The following FAM118B variants were observed in gnomAD, a reference collection of about 807,000 sequenced individuals.
FAM118B encodes protein FAM118B.
FAM118B carries 24 observed loss-of-function variants against 38.5 expected under a neutral mutation model. That is an observed-to-expected ratio of 0.62 (90% CI 0.45 to 0.88). The LOEUF (loss-of-function observed/expected upper bound fraction) is 0.88, where lower values mean the gene tolerates loss of function less well. FAM118B is among the 40% of genes least tolerant of loss of function. The pLI is 0.00. For synonymous variants in FAM118B, 138 were observed against 156.3 expected, an observed-to-expected ratio of 0.88 and a Z score of 0.87; for missense variants, 334 against 420.0, an observed-to-expected ratio of 0.80 and a Z score of 1.79.
rs1950523119 is a variant in FAM118B at position 126,252,822 on chromosome 11, G to A, written c.568-1483G>A. Among the ~76,000 whole-genome samples the A allele has an allele frequency of 6.6e-6, 1 of 152,132 alleles. No homozygotes were observed. The highest frequency in any genetic ancestry group is 2.4e-5 in the African/African-American group (1 of 41,432). On this transcript the variant is annotated intron_variant, in intron 5 of 8. Transcript: ENST00000533050. The surrounding 1 kb of genome is among the most constrained non-coding windows in gnomAD (Gnocchi z 4.7). ...GGCCGAGGTGGGTGGATCACTTGAG[G>A]TCAGGATTTTGAGACCAGCCTGTCC... is the stretch of plus-strand genomic sequence containing the variant.
rs1950718265 is a variant in FAM118B at position 126,262,343 on chromosome 11, G to C, written c.*210G>C. On this transcript the variant is annotated 3_prime_UTR_variant, in exon 9 of 9. Transcript: ENST00000533050. The stretch of plus-strand genomic sequence containing the variant: ...TATTCTGCCGCCTGTTCAAGTTCAA[G>C]AATAAAAGCGACAGCAGGACCCAAA... The C allele has an allele frequency of 7.1e-5, 28 of 394,024 alleles. No homozygotes were observed. The highest frequency in any genetic ancestry group is 2.1e-4 in the East Asian group (4 of 19,346). 24.4% of individuals were successfully genotyped at this position (394,024 alleles called of 1,614,324 possible).
intron 8 of FAM118B, 109 bp downstream of exon 8, chr11:126,261,593 T>A: frequency 1.3e-6 from 1 of 796,572 alleles, no homozygotes. Flanking sequence ...TGCCAAATTT[T>A]AAAAAACACT....
rs1424532856 is a variant in FAM118B, at chr11:126,256,526, G to A, written c.697-41G>A. 2 of 1,589,896 alleles carry A rather than the reference G, an allele frequency of 1.3e-6. No individual in the cohort carries two copies. Among genetic ancestry groups the A allele is most frequent in the Non-Finnish European group, 1.7e-6 (2 of 1,164,156 alleles). Reference sequence around the variant, plus strand: ...TTCTTGTTTCAGACTTGCCTTGAGTGTGTCTTCACAATGTCAATATGTTGT... The same window carrying A: ...TTCTTGTTTCAGACTTGCCTTGAGTATGTCTTCACAATGTCAATATGTTGT... On this transcript the variant is annotated intron_variant, in intron 6 of 8. Transcript: ENST00000533050. This position sits in a 1 kb window ranked among gnomAD's most constrained non-coding sequence, Gnocchi z 6.6.
chr11:126,254,224 A>G, intron 5 of FAM118B, 81 bp from the exon 6 acceptor site: 1 of 1,520,292 alleles, frequency 6.6e-7, no homozygotes, highest in Non-Finnish European at 8.9e-7. Context: ...TCTAGTCCTC[A>G]AAACAGCCTC....
At chr11:126,233,344 G>A (rs4347404) in intron 2 of FAM118B, among the ~76,000 whole-genome samples, 28,263 of 152,004 alleles carry the variant, frequency 0.19, 2,950 homozygotes, top group Non-Finnish European at 0.25. Flanking sequence ...GCATAGTGGC[G>A]CATGCCTGTA....
chr11:126,243,627 G>C (rs994508383), intron 4 of FAM118B, among the ~76,000 whole-genome samples: 40 of 152,224 alleles, frequency 2.6e-4, no homozygotes, highest in African/African-American at 7.9e-4. Flanking sequence ...TATCAGGCCA[G>C]GTGCGGTGGC....
intron 3 of FAM118B, among the ~76,000 whole-genome samples, chr11:126,238,139 A>G (rs1000483971): frequency 2.6e-5 from 4 of 152,138 alleles, no homozygotes; most frequent in Non-Finnish European, 5.9e-5. Context: ...AGGCAGGCGG[A>G]TCACTTGAGG....
In FAM118B at chr11:126,214,503, G is replaced by GTTTTTTTTTTTTTTTTTTTTTTTTTTTT. The variant is rs769565375; in HGVS notation, c.-77+2683_-77+2684insTTTTTTTTTTTTTTTTTTTTTTTTTTTT. 2.1e-3 allele frequency: 59 copies of GTTTTTTTTTTTTTTTTTTTTTTTTTTTT among 28,264 alleles called. 11 individuals are homozygous for GTTTTTTTTTTTTTTTTTTTTTTTTTTTT. Among genetic ancestry groups the GTTTTTTTTTTTTTTTTTTTTTTTTTTTT allele is most frequent in the Non-Finnish European group, 3.3e-3 (44 of 13,356 alleles). The allele number at this position is 28,264 out of a possible 1,614,324, so 1.8% of individuals were successfully genotyped here. ...TCTTTTGTTTCTGTTTTTTTTTTTT[G>GTTTTTTTTTTTTTTTTTTTTTTTTTTTT]TTTTTTTTTTGTTTTTTTTTTTTTA... On this transcript the variant is annotated intron_variant, in intron 1 of 8. Coordinates refer to ENST00000533050, the MANE Select transcript of FAM118B (RefSeq NM_024556.4).
rs1184531411 is a variant in FAM118B at position 126,237,891 on chromosome 11, G to C, written c.86+2804G>C. On this transcript the variant is annotated intron_variant, in intron 3 of 8. Coordinates refer to ENST00000533050, the MANE Select transcript of FAM118B (RefSeq NM_024556.4). Reference sequence around the variant, plus strand: ...AAAAAAAAGAAAAGAAAAAATATATGTGAGGATATCATTGTTTTCTTTTAA... The same window carrying C: ...AAAAAAAAGAAAAGAAAAAATATATCTGAGGATATCATTGTTTTCTTTTAA... 2.0e-5 allele frequency among the ~76,000 whole-genome samples: 3 copies of C among 148,848 alleles called. 1 individual carries two copies. The highest frequency in any genetic ancestry group is 4.5e-5 in the Non-Finnish European group (3 of 67,354).
chr11:126,225,290 G>C (rs777301148), intron 1 of FAM118B, among the ~76,000 whole-genome samples: 9 of 152,172 alleles, frequency 5.9e-5, no homozygotes, highest in Non-Finnish European at 1.0e-4. Context: ...TTGACGCAGT[G>C]AAATTTTCCA....
intron 1 of FAM118B, among the ~76,000 whole-genome samples, chr11:126,220,368 C>CT (rs530770777): frequency 1.5e-4 from 22 of 148,704 alleles, no homozygotes; most frequent in African/African-American, 4.2e-4. Context: ...CTCTCTCTCT[C>CT]TTTTTTTTTT....
chr11:126,247,149 C>T (rs1195347116), intron 4 of FAM118B, among the ~76,000 whole-genome samples: 1 of 152,186 alleles, frequency 6.6e-6, no homozygotes, highest in Non-Finnish European at 1.5e-5. Context: ...AAAAAGTAGT[C>T]GGCGTGGTGG....
chr11:126,233,637 A>G (rs896505457), intron 2 of FAM118B: 15 of 428,536 alleles, frequency 3.5e-5, no homozygotes, highest in Non-Finnish European at 6.4e-5. Flanking sequence ...TCTACTTCCT[A>G]ACTCACTACT....
At chr11:126,219,340 C>A (rs1591500612) in intron 1 of FAM118B, among the ~76,000 whole-genome samples, 1 of 82,578 alleles carries the variant, frequency 1.2e-5, no homozygotes, top group Non-Finnish European at 2.6e-5. Flanking sequence ...TCCTTCAGCT[C>A]TTGTTTATCT....
chr11:126,217,083 A>C (rs777667725), intron 1 of FAM118B, among the ~76,000 whole-genome samples: 1 of 152,236 alleles, frequency 6.6e-6, no homozygotes, highest in Non-Finnish European at 1.5e-5. Flanking sequence ...GGAGGAAAGC[A>C]GAATACCTGG....
intron 4 of FAM118B, among the ~76,000 whole-genome samples, chr11:126,246,064 A>G (rs73017350): frequency 0.19 from 28,177 of 151,946 alleles, 2,935 homozygotes; most frequent in Non-Finnish European, 0.25. Flanking sequence ...TTTGTAGATC[A>G]TATTTGACAA....
intron 1 of FAM118B, among the ~76,000 whole-genome samples, chr11:126,225,018 A>T (rs1005494126): frequency 1.3e-5 from 2 of 152,190 alleles, no homozygotes; most frequent in African/African-American, 2.4e-5. Context: ...AGCAAACAAG[A>T]TCTCTTTTAT....
chr11:126,241,697 G>A (rs912359040), intron 4 of FAM118B, among the ~76,000 whole-genome samples: 4 of 151,974 alleles, frequency 2.6e-5, no homozygotes, highest in Admixed American at 6.6e-5. Flanking sequence ...TTACAGGCAT[G>A]TGCCACCATG....
Position 126,241,017 on chromosome 11 carries a change from C to A in FAM118B, c.312C>A (p.Ala104=). The part of the protein sequence containing the change: ...LHEDKNLVHV[A]HDLIQKLSPR... ...AAGACAAGAACCTGGTCCATGTTGC[C>A]CATGACCTTATCCAGAAACTCTCTC... The change falls in exon 4 of 9, where the codon GCC becomes GCA. Residue 104 remains alanine (A), a synonymous_variant. Transcript: ENST00000533050. The A allele has an allele frequency of 6.2e-7, 1 of 1,607,988 alleles. No homozygotes were observed. Among genetic ancestry groups the A allele is most frequent in the Non-Finnish European group, 8.5e-7 (1 of 1,176,650 alleles).
Sources: allele counts gnomAD v4.1 joint callset (sites outside exome capture counted in the v4.1 genomes callset), GRCh38; gene constraint gnomAD v4.1.1; non-coding constraint Gnocchi (gnomAD v3.1); transcripts MANE v1.5; gene names NCBI Gene and HGNC (gene_info 2026-07-23, HGNC 2026-07-21).